FUT8: variants seen among roughly 807,000 people sequenced by gnomAD.
The protein encoded by FUT8 is fucosyltransferase 8.
Under a neutral mutation model 71.3 loss-of-function variants are expected in FUT8, and 29 were observed. The observed-to-expected ratio is 0.41, with a 90% CI of 0.30 to 0.55. The LOEUF (loss-of-function observed/expected upper bound fraction) is 0.55. FUT8 is among the 20% of genes least tolerant of loss of function. The pLI is 0.34. For synonymous variants in FUT8, 254 were observed against 239.3 expected (o/e 1.06, Z -0.57); for missense variants, 544 against 702.1 (o/e 0.77, Z 2.55).
At chr14:65,740,073 A>C (rs910926222) in intron 10 of FUT8, among the ~76,000 whole-genome samples, 1 of 151,992 alleles carries the variant, frequency 6.6e-6, no homozygotes, top group African/African-American at 2.4e-5. Context: ...CTTGCCTTCT[A>C]TGAGCCTTTG....
chr14:65,703,033 C>G (rs184615212), intron 7 of FUT8, among the ~76,000 whole-genome samples: 1 of 152,222 alleles, frequency 6.6e-6, no homozygotes, highest in Admixed American at 6.5e-5. Flanking sequence ...ACGTTAGCCA[C>G]TGCGCCCGGC....
chr14:65,499,207 C>T (rs960273535), intron 2 of FUT8, among the ~76,000 whole-genome samples: 1 of 152,110 alleles, frequency 6.6e-6, no homozygotes, highest in Non-Finnish European at 1.5e-5. Context: ...ACACACACAC[C>T]ACCATACCTG....
chr14:65,471,212 T>G (rs1410711669), intron 2 of FUT8: 6 of 188,840 alleles, frequency 3.2e-5, no homozygotes, highest in African/African-American at 7.2e-5. Flanking sequence ...CTGAGTTGAG[T>G]AACTGTCTCT....
the FUT8 span, among the ~76,000 whole-genome samples, chr14:65,367,110 G>T: frequency 2.0e-5 from 3 of 152,212 alleles, no homozygotes; most frequent in African/African-American, 4.8e-5. Flanking sequence ...TTGGTGGTGG[G>T]CTCTCTTCTC....
chr14:65,361,356 CAAA>C, the FUT8 span, among the ~76,000 whole-genome samples: 3 of 64,970 alleles, frequency 4.6e-5, no homozygotes, highest in Admixed American at 1.6e-4. Flanking sequence ...AACTCTGTCT[CAAA>C]AAAAAAAAAA....
intron 1 of FUT8, among the ~76,000 whole-genome samples, chr14:65,455,305 G>A (rs1182367965): frequency 1.3e-5 from 2 of 152,162 alleles, no homozygotes; most frequent in Non-Finnish European, 2.9e-5. Flanking sequence ...TGCCTTTTAT[G>A]TTAAAAGATA....
At chr14:65,368,317 T>G in the FUT8 span, among the ~76,000 whole-genome samples, 2 of 127,366 alleles carry the variant, frequency 1.6e-5, no homozygotes, top group African/African-American at 2.8e-5. Flanking sequence ...CCTCCCAAAG[T>G]GCTGGGATTA....
rs74937470 is a variant in FUT8, at chr14:65,598,362, A to G, written c.204-17616A>G. ...CTCAGCCTCCCAAGTAGCTGGGATT[A>G]CAGATGCACGCCACCACCCCCAGCT... is the stretch of plus-strand genomic sequence containing the variant. On this transcript the variant is annotated intron_variant, in intron 3 of 10. Transcript: ENST00000673929. Among the ~76,000 whole-genome samples the G allele has an allele frequency of 5.8e-3, 886 of 152,122 alleles. 15 individuals carry two copies. The highest frequency in any genetic ancestry group is 0.02 in the African/African-American group (842 of 41,498).
chr14:65,411,923 G>A, upstream of FUT8: 1 of 413,268 alleles, frequency 2.4e-6, no homozygotes, highest in Non-Finnish European at 4.8e-6. Context: ...GGCGGTCTGG[G>A]CTGCTCTGGG....
intron 2 of FUT8, among the ~76,000 whole-genome samples, chr14:65,555,277 G>A (rs1386288945): frequency 1.3e-5 from 2 of 151,890 alleles, no homozygotes; most frequent in Non-Finnish European, 2.9e-5. Context: ...GATTTTTACC[G>A]AATGCTGCAG....
chr14:65,532,068 G>C (rs903455310), intron 2 of FUT8, among the ~76,000 whole-genome samples: 1 of 152,084 alleles, frequency 6.6e-6, no homozygotes, highest in Non-Finnish European at 1.5e-5. Flanking sequence ...TGCAAATAGT[G>C]CTTCTGTGAA....
At chr14:65,447,328 G>GT (rs1483898626) in intron 1 of FUT8, among the ~76,000 whole-genome samples, 4 of 149,120 alleles carry the variant, frequency 2.7e-5, no homozygotes, top group Non-Finnish European at 4.5e-5. Context: ...AGTAAATTTT[G>GT]TTTGAGTTTG....
At position 65,561,659 on chromosome 14, in the gene FUT8, T is replaced by C; in HGVS notation, c.96T>C (p.Asp32=). The part of the protein sequence containing the change: ...LFYIGGHLVR[D]NDHPDHSSRE... ...ATATAGGTGGTCACTTGGTACGAGA[T>C]AATGACCATCCTGATCACTCTAGCC... The change falls in exon 3 of 11, where the codon GAT becomes GAC. Residue 32 remains aspartate, a synonymous_variant. Transcript: ENST00000673929. The C allele has an allele frequency of 3.1e-6, 5 of 1,613,560 alleles. No homozygotes were observed. The highest frequency in any genetic ancestry group is 4.2e-6 in the Non-Finnish European group (5 of 1,179,560).
chr14:65,733,739 AT>A (rs1354609000), intron 10 of FUT8, among the ~76,000 whole-genome samples: 1 of 152,154 alleles, frequency 6.6e-6, no homozygotes, highest in Non-Finnish European at 1.5e-5. Context: ...ACCAGAATCC[AT>A]CCATTTCTAC....
intron 6 of FUT8, among the ~76,000 whole-genome samples, chr14:65,655,262 AG>A (rs1891615247): frequency 6.6e-6 from 1 of 151,858 alleles, no homozygotes; most frequent in Non-Finnish European, 1.5e-5. Flanking sequence ...TCATGAAGTC[AG>A]GAGATCGAGA....
Position 65,574,734 on chromosome 14 carries a change from C to T in FUT8, c.203+12968C>T, listed in dbSNP as rs756534119. On this transcript the variant is annotated intron_variant, in intron 3 of 10. Coordinates refer to ENST00000673929, the MANE Select transcript of FUT8 (RefSeq NM_001371533.1). The surrounding 1 kb of genome is among the most constrained non-coding windows in gnomAD (Gnocchi z 5.2). ...TGCTAATCTGGTTATTAATTGTTAC[C>T]ACATGATTTCAGACTAAACATTTCA... Among the ~76,000 whole-genome samples the T allele has an allele frequency of 6.6e-6, 1 of 152,002 alleles. No homozygotes were observed. The highest frequency in any genetic ancestry group is 1.5e-5 in the Non-Finnish European group (1 of 68,016).
At chr14:65,702,743 TG>T (rs1345057785) in intron 7 of FUT8, among the ~76,000 whole-genome samples, 1 of 151,082 alleles carries the variant, frequency 6.6e-6, no homozygotes, top group African/African-American at 2.4e-5. Context: ...GAAATTTTTG[TG>T]GTTTTTTTTT....
chr14:65,734,355 T>A (rs768162451), intron 10 of FUT8, among the ~76,000 whole-genome samples: 6 of 152,186 alleles, frequency 3.9e-5, no homozygotes, highest in Non-Finnish European at 8.8e-5. Context: ...GAGACTTTCT[T>A]ATTATATGAC....
intron 6 of FUT8, among the ~76,000 whole-genome samples, chr14:65,654,725 CATAG>C (rs1394132070): frequency 6.6e-6 from 1 of 151,766 alleles, no homozygotes; most frequent in Non-Finnish European, 1.5e-5. Context: ...TCAGAGTATG[CATAG>C]ACAAGGAGAA....
Sources: allele counts gnomAD v4.1 joint callset (sites outside exome capture counted in the v4.1 genomes callset), GRCh38; gene constraint gnomAD v4.1.1; non-coding constraint Gnocchi (gnomAD v3.1); transcripts MANE v1.5; gene names NCBI Gene and HGNC (gene_info 2026-07-23, HGNC 2026-07-21).